The following TENM2 variants were observed in gnomAD, a reference collection of about 807,000 sequenced individuals.
TENM2 encodes the protein teneurin transmembrane protein 2.
Under a neutral mutation model 245.2 loss-of-function variants are expected in TENM2, and 52 were observed. The ratio of observed to expected loss-of-function variants is 0.21; its 90% CI spans 0.17 to 0.27. The LOEUF (loss-of-function observed/expected upper bound fraction) is 0.27. Ranked by LOEUF, TENM2 falls within the 10% of genes least tolerant of loss-of-function variation. The probability of loss-of-function intolerance (pLI) is 1.00; values close to 1 mark genes in which losing one functional copy is unlikely to be tolerated. For synonymous variants in TENM2, 1,363 were observed against 1,438.9 expected, an observed-to-expected ratio of 0.95 and a Z score of 1.19; for missense variants, 3,046 against 3,666.8, an observed-to-expected ratio of 0.83 and a Z score of 4.37.
At chr5:167,110,324 A>C in the TENM2 span, among the ~76,000 whole-genome samples, 8 of 152,362 alleles carry the variant, frequency 5.3e-5, no homozygotes, top group East Asian at 1.5e-3. Flanking sequence ...GGCTGGAGAC[A>C]TGCTCCTCTA....
intron 2 of TENM2, among the ~76,000 whole-genome samples, chr5:167,656,327 A>G (rs932033825): frequency 6.6e-6 from 1 of 152,134 alleles, no homozygotes; most frequent in Non-Finnish European, 1.5e-5. Context: ...TGTTACATAA[A>G]TACTCATTGA....
chr5:167,555,852 G>C (rs1038445098), intron 2 of TENM2, among the ~76,000 whole-genome samples: 1 of 152,066 alleles, frequency 6.6e-6, no homozygotes, highest in Non-Finnish European at 1.5e-5. Flanking sequence ...GAGCTTGGTC[G>C]AGCCTTTTCA....
chr5:168,015,838 A>T (rs1259051103), intron 5 of TENM2, among the ~76,000 whole-genome samples: 1 of 152,206 alleles, frequency 6.6e-6, no homozygotes, highest in Non-Finnish European at 1.5e-5. Flanking sequence ...AGCATTAATG[A>T]TGCTTCAAGT....
At chr5:167,735,437 G>A (rs905988905) in intron 2 of TENM2, among the ~76,000 whole-genome samples, 3 of 152,188 alleles carry the variant, frequency 2.0e-5, no homozygotes, top group African/African-American at 7.2e-5. Flanking sequence ...ATGTAATTTG[G>A]TAAACAAAAC....
At chr5:167,590,499 T>A (rs1775804770) in intron 2 of TENM2, among the ~76,000 whole-genome samples, 1 of 152,266 alleles carries the variant, frequency 6.6e-6, no homozygotes, top group African/African-American at 2.4e-5. Context: ...ATATTTGCAC[T>A]GTTACTATAC....
At chr5:168,140,695 G>A (rs1384494807) in intron 12 of TENM2, among the ~76,000 whole-genome samples, 3 of 152,174 alleles carry the variant, frequency 2.0e-5, no homozygotes, top group Admixed American at 6.5e-5. Context: ...AACTTCAAAT[G>A]GTACCTTCAG....
At chr5:168,199,777 G>C (rs370567065) in intron 16 of TENM2, 87 bp from the exon 19 acceptor site, 7 of 1,421,300 alleles carry the variant, frequency 4.9e-6, no homozygotes, top group Non-Finnish European at 4.8e-6. Context: ...CCTCAGTGAG[G>C]GACATAGCAG....
At chr5:167,181,849 A>G in the TENM2 span, among the ~76,000 whole-genome samples, 2 of 152,182 alleles carry the variant, frequency 1.3e-5, no homozygotes, top group African/African-American at 2.4e-5. Flanking sequence ...AGAAATCCAC[A>G]TATTACATTT....
intron 28 of TENM2, 39 bp downstream of exon 30, chr5:168,260,452 A>T: frequency 1.9e-6 from 3 of 1,608,910 alleles, no homozygotes; most frequent in Non-Finnish European, 2.5e-6. Context: ...AATGATTGTC[A>T]TCATTCCCTT....
chr5:167,794,842 C>G (rs1765214498), intron 2 of TENM2, among the ~76,000 whole-genome samples: 1 of 152,144 alleles, frequency 6.6e-6, no homozygotes, highest in Admixed American at 6.5e-5. Context: ...ACAGAAAAAC[C>G]TGATGAAACC....
At chr5:167,060,434 C>T in the TENM2 span, among the ~76,000 whole-genome samples, 1 of 151,882 alleles carries the variant, frequency 6.6e-6, no homozygotes, top group Non-Finnish European at 1.5e-5. Flanking sequence ...AGGCGGATCA[C>T]GAGGTCAGGA....
At chr5:167,228,853 C>T in the TENM2 span, among the ~76,000 whole-genome samples, 22 of 152,062 alleles carry the variant, frequency 1.4e-4, 1 homozygote, top group Non-Finnish European at 2.8e-4. Context: ...TACAGGTACC[C>T]GCCACCACGC....
chr5:167,967,995 A>T (rs985397576), intron 4 of TENM2, among the ~76,000 whole-genome samples: 2 of 152,144 alleles, frequency 1.3e-5, no homozygotes, highest in Non-Finnish European at 2.9e-5. Flanking sequence ...CAGTCCTACC[A>T]GGCAGGGGAA....
chr5:167,307,541 A>G (rs1755752139), intron 1 of TENM2, among the ~76,000 whole-genome samples: 2 of 152,266 alleles, frequency 1.3e-5, no homozygotes, highest in South Asian at 4.2e-4. Flanking sequence ...CATCTGTTTC[A>G]AGCCACTCAT....
intron 3 of TENM2, among the ~76,000 whole-genome samples, chr5:167,945,409 A>G (rs1561965381): frequency 6.6e-6 from 1 of 152,202 alleles, no homozygotes; most frequent in Non-Finnish European, 1.5e-5. Context: ...CAGTCTCCTC[A>G]TCTTTAAAGG....
At chr5:168,163,412 T>C (rs917953231) in intron 13 of TENM2, among the ~76,000 whole-genome samples, 1 of 152,210 alleles carries the variant, frequency 6.6e-6, no homozygotes. Context: ...ATGTGAAAGT[T>C]ATGTGAAATT....
the TENM2 span, among the ~76,000 whole-genome samples, chr5:167,088,519 C>T: frequency 1.3e-5 from 2 of 151,746 alleles, no homozygotes; most frequent in African/African-American, 4.8e-5. Context: ...CCCAGCTACT[C>T]AAGAGGCTGA....
chr5:168,020,315 G>T (rs1050526057), intron 5 of TENM2, among the ~76,000 whole-genome samples: 7 of 152,170 alleles, frequency 4.6e-5, no homozygotes, highest in Non-Finnish European at 7.3e-5. Flanking sequence ...CCAAAACCCA[G>T]ACCCTTAGAC....
chr5:167,033,080 A>G, the TENM2 span, among the ~76,000 whole-genome samples: 3 of 152,198 alleles, frequency 2.0e-5, no homozygotes, highest in African/African-American at 7.2e-5. Flanking sequence ...CAGAAAGCCC[A>G]TAGGTTTGCT....
Sources: allele counts gnomAD v4.1 joint callset (sites outside exome capture counted in the v4.1 genomes callset), GRCh38; gene constraint gnomAD v4.1.1; transcripts MANE v1.5; gene names NCBI Gene and HGNC (gene_info 2026-07-23, HGNC 2026-07-21).